Variants in MAN2A1 observed in about 807,000 individuals in gnomAD.
MAN2A1 encodes alpha-mannosidase 2.
MAN2A1 carries 76 observed loss-of-function variants against 142.6 expected under a neutral mutation model. The ratio of observed to expected loss-of-function variants is 0.53; its 90% CI spans 0.44 to 0.65. The LOEUF (loss-of-function observed/expected upper bound fraction) is 0.65. Ranked by LOEUF, MAN2A1 falls within the 30% of genes least tolerant of loss-of-function variation. The probability of loss-of-function intolerance (pLI) is 0.00; values close to 1 mark genes in which losing one functional copy is unlikely to be tolerated. For missense variants in MAN2A1, 1,311 were observed against 1,365.1 expected, an observed-to-expected ratio of 0.96 and a Z score of 0.62; for synonymous variants, 559 against 473.2, an observed-to-expected ratio of 1.18 and a Z score of -2.35.
chr5:109,692,376 G>C (rs186907823), intron 1 of MAN2A1, among the ~76,000 whole-genome samples: 2 of 152,212 alleles, frequency 1.3e-5, no homozygotes, highest in African/African-American at 2.4e-5. Flanking sequence ...CAGATTTTCT[G>C]TACTGGATTT....
chr5:109,829,016 A>G (rs1349396368), intron 16 of MAN2A1, among the ~76,000 whole-genome samples: 1 of 152,200 alleles, frequency 6.6e-6, no homozygotes, highest in African/African-American at 2.4e-5. Context: ...GGGGACTTCA[A>G]AAAGTTTGTG....
intron 15 of MAN2A1, among the ~76,000 whole-genome samples, chr5:109,822,827 G>A (rs538935405): frequency 9.1e-4 from 138 of 152,096 alleles, no homozygotes; most frequent in Non-Finnish European, 1.6e-3. Context: ...ACAGGCACCC[G>A]CCACCAAGTC....
intron 5 of MAN2A1, among the ~76,000 whole-genome samples, chr5:109,767,057 G>C (rs1029703658): frequency 1.2e-4 from 18 of 152,122 alleles, no homozygotes; most frequent in African/African-American, 4.3e-4. Flanking sequence ...TGGGGCTTTT[G>C]TAATGTGTAA....
intron 4 of MAN2A1, among the ~76,000 whole-genome samples, chr5:109,738,205 A>C (rs909327402): frequency 1.4e-5 from 2 of 140,694 alleles, no homozygotes; most frequent in African/African-American, 5.2e-5. Flanking sequence ...CTGTTCCCCT[A>C]TCAGCTTTTA....
chr5:109,770,645 C>T (rs1582880143), intron 7 of MAN2A1, 104 bp downstream of exon 7: 1 of 1,032,774 alleles, frequency 9.7e-7, no homozygotes, highest in Non-Finnish European at 1.4e-6. Context: ...CCAACATTAT[C>T]CTTGTTTGAA....
At chr5:109,795,259 A>G (rs566227739) in intron 12 of MAN2A1, among the ~76,000 whole-genome samples, 90 of 152,202 alleles carry the variant, frequency 5.9e-4, no homozygotes, top group Non-Finnish European at 1.1e-3. Flanking sequence ...TGAGGAGAAA[A>G]GGCTCCACCT....
At chr5:109,726,011 T>C (rs1320076242) in intron 3 of MAN2A1, among the ~76,000 whole-genome samples, 7 of 152,220 alleles carry the variant, frequency 4.6e-5, no homozygotes, top group African/African-American at 1.7e-4. Flanking sequence ...TTATTTAAAA[T>C]AGCTATTAGC....
chr5:109,863,243 A>C (rs575239237), intron 20 of MAN2A1: 1 of 152,354 alleles, frequency 6.6e-6, no homozygotes, highest in South Asian at 2.1e-4. Flanking sequence ...GACTCTAGAC[A>C]TATAATTTAG....
rs919324809 is a variant in MAN2A1, at chr5:109,868,465, A to T, written c.*1467A>T. 1 of 152,190 alleles carries T rather than the reference A, an allele frequency of 6.6e-6. No homozygotes were observed. Among genetic ancestry groups the T allele is most frequent in the Admixed American group, 6.5e-5 (1 of 15,274 alleles). The allele number at this position is 152,190 out of a possible 1,614,324, so 9.4% of individuals were successfully genotyped here. A position where few individuals can be genotyped will look rare whatever the true frequency, so the allele number is the denominator to read the frequency against. On this transcript the variant is annotated 3_prime_UTR_variant, in exon 22 of 22. Coordinates refer to ENST00000261483, the MANE Select transcript of MAN2A1 (RefSeq NM_002372.4). ...TACAGTTTTGAAAATTCTCTTTGAG[A>T]TAATTGATTTCATATTCTGTGGCTT...
At chr5:109,850,670 A>G (rs889784630) in intron 19 of MAN2A1, among the ~76,000 whole-genome samples, 4 of 152,186 alleles carry the variant, frequency 2.6e-5, no homozygotes, top group Admixed American at 6.6e-5. Flanking sequence ...TATTGACACT[A>G]ATCTATAAAA....
intron 5 of MAN2A1, among the ~76,000 whole-genome samples, chr5:109,766,074 T>C (rs1459808365): frequency 6.6e-6 from 1 of 152,084 alleles, no homozygotes; most frequent in East Asian, 1.9e-4. Flanking sequence ...AGTTGGAAAA[T>C]TTGTGTATGT....
At chr5:109,849,921 T>A (rs980249241) in intron 19 of MAN2A1, among the ~76,000 whole-genome samples, 32 of 152,182 alleles carry the variant, frequency 2.1e-4, no homozygotes, top group Admixed American at 1.1e-3. Flanking sequence ...AAGTCCCAAG[T>A]ACTTTCCATC....
chr5:109,734,516 A>G (rs866654203), intron 4 of MAN2A1, among the ~76,000 whole-genome samples: 2 of 152,242 alleles, frequency 1.3e-5, no homozygotes, highest in South Asian at 4.1e-4. Flanking sequence ...TTAGTGCTAT[A>G]AATTTCCCTC....
chr5:109,845,343 A>G (rs905395590), intron 17 of MAN2A1, among the ~76,000 whole-genome samples: 2 of 152,202 alleles, frequency 1.3e-5, no homozygotes, highest in African/African-American at 2.4e-5. Flanking sequence ...CAAAAAGAGT[A>G]AGCACTGAAT....
intron 4 of MAN2A1, among the ~76,000 whole-genome samples, chr5:109,747,452 G>A (rs1378967058): frequency 6.6e-6 from 1 of 152,044 alleles, no homozygotes. Flanking sequence ...TTCTGTCACT[G>A]TATGGATGAG....
intron 12 of MAN2A1, among the ~76,000 whole-genome samples, chr5:109,797,797 C>G (rs1287447516): frequency 6.6e-6 from 1 of 151,934 alleles, no homozygotes; most frequent in Non-Finnish European, 1.5e-5. Flanking sequence ...AAAAAAGTGC[C>G]CAGGCAGAAA....
rs73781624 is a variant in MAN2A1 at position 109,700,435 on chromosome 5, C to T, written c.135+9883C>T. Among the ~76,000 whole-genome samples the T allele has an allele frequency of 6.3e-3, 961 of 152,196 alleles. 14 individuals carry two copies. The highest frequency in any genetic ancestry group is 0.022 in the African/African-American group (900 of 41,518). On this transcript the variant is annotated intron_variant, in intron 1 of 21. Coordinates refer to ENST00000261483, the MANE Select transcript of MAN2A1 (RefSeq NM_002372.4). Reference sequence around the variant, plus strand: ...TGAAGATGTACTTTGCAGCAGTTCCCTTCTGTTTCTTCATACCACAGATGT... The same window carrying T: ...TGAAGATGTACTTTGCAGCAGTTCCTTTCTGTTTCTTCATACCACAGATGT...
intron 1 of MAN2A1, among the ~76,000 whole-genome samples, chr5:109,700,695 G>C (rs899801819): frequency 1.3e-5 from 2 of 152,142 alleles, no homozygotes; most frequent in South Asian, 2.1e-4. Context: ...GTCCTTCCAG[G>C]TCAGGTAATT....
At chr5:109,748,136 A>G (rs964676678) in intron 4 of MAN2A1, among the ~76,000 whole-genome samples, 1 of 151,956 alleles carries the variant, frequency 6.6e-6, no homozygotes, top group Non-Finnish European at 1.5e-5. Flanking sequence ...AAAATACAAT[A>G]TTTTCTGACT....
Sources: allele counts gnomAD v4.1 joint callset (sites outside exome capture counted in the v4.1 genomes callset), GRCh38; gene constraint gnomAD v4.1.1; transcripts MANE v1.5; gene names NCBI Gene and HGNC (gene_info 2026-07-23, HGNC 2026-07-21).